Variants in CHRNA7 observed in about 807,000 individuals in gnomAD.
CHRNA7 encodes cholinergic receptor nicotinic alpha 7 subunit, also known as neuronal acetylcholine receptor subunit alpha-7.
Under a neutral mutation model 48.0 loss-of-function variants are expected in CHRNA7, and 17 were observed. That is an observed-to-expected ratio of 0.35 (90% CI 0.24 to 0.53). CHRNA7 has a LOEUF of 0.53. CHRNA7 is among the 20% of genes least tolerant of loss of function. CHRNA7 has a pLI of 0.92. For missense variants in CHRNA7, 155 were observed against 577.7 expected (o/e 0.27, Z 7.50); for synonymous variants, 75 against 242.3 (o/e 0.31, Z 6.41).
intron 9 of CHRNA7, chr15:32,166,239 ATTT>A (rs2052131119): frequency 6.6e-6 from 1 of 152,212 alleles, no homozygotes; most frequent in Non-Finnish European, 1.5e-5. Context: ...GATTATACTC[ATTT>A]CACCGGACCC....
chr15:32,146,326 T>G (rs2051488348), intron 4 of CHRNA7, among the ~76,000 whole-genome samples: 3 of 152,226 alleles, frequency 2.0e-5, no homozygotes, highest in Non-Finnish European at 4.4e-5. Context: ...TCTCACTTAA[T>G]GCTGAAACAT....
intron 2 of CHRNA7, among the ~76,000 whole-genome samples, chr15:32,095,825 G>T (rs142892157): frequency 6.6e-6 from 1 of 152,156 alleles, no homozygotes; most frequent in Admixed American, 6.5e-5. Flanking sequence ...TTCCGTGATC[G>T]TAATCACAGT....
intron 4 of CHRNA7, among the ~76,000 whole-genome samples, chr15:32,125,012 A>G (rs879833862): frequency 1.3e-4 from 20 of 152,218 alleles, no homozygotes; most frequent in Non-Finnish European, 2.6e-4. Flanking sequence ...GACTAAGACA[A>G]CAGCTATCAC....
In CHRNA7 at chr15:32,170,479, G is replaced by A. The variant is rs1441963222; in HGVS notation, c.*2021G>A. ...CTTTAGAAACAAGTAGAAGTGTTTT[G>A]ATATATAAAAGGAATGCTTCATTTC... On this transcript the variant is annotated 3_prime_UTR_variant, in exon 10 of 10. Coordinates refer to ENST00000306901, the MANE Select transcript of CHRNA7 (RefSeq NM_000746.6). The A allele has an allele frequency of 6.8e-6, 1 of 147,512 alleles. No individual in the cohort carries two copies. The highest frequency in any genetic ancestry group is 2.6e-5 in the African/African-American group (1 of 39,130). 9.1% of individuals were successfully genotyped at this position (147,512 alleles called of 1,614,324 possible).
At chr15:32,038,397 T>C (rs1052243675) in intron 2 of CHRNA7, among the ~76,000 whole-genome samples, 1 of 137,284 alleles carries the variant, frequency 7.3e-6, no homozygotes, top group Non-Finnish European at 1.5e-5. Flanking sequence ...TATAATCATA[T>C]GATTTTTCTT....
chr15:32,129,685 AT>A (rs941766218), intron 4 of CHRNA7, among the ~76,000 whole-genome samples: 69 of 150,042 alleles, frequency 4.6e-4, no homozygotes, highest in Admixed American at 9.3e-4. Flanking sequence ...CATTTCATTG[AT>A]TTTTTTTTCT....
At chr15:32,105,634 T>G (rs1249696527) in intron 3 of CHRNA7, among the ~76,000 whole-genome samples, 3 of 152,114 alleles carry the variant, frequency 2.0e-5, no homozygotes, top group African/African-American at 7.2e-5. Context: ...AATCTCTGCT[T>G]TAAAGAAATG....
chr15:32,120,085 A>T (rs546448652), intron 4 of CHRNA7, among the ~76,000 whole-genome samples: 2 of 152,264 alleles, frequency 1.3e-5, no homozygotes, highest in African/African-American at 2.4e-5. Flanking sequence ...TTGTGGCTTT[A>T]TGCCTTCTTT....
chr15:32,124,725 G>A (rs1195940356), intron 4 of CHRNA7, among the ~76,000 whole-genome samples: 1 of 152,196 alleles, frequency 6.6e-6, no homozygotes, highest in Non-Finnish European at 1.5e-5. Flanking sequence ...GAATTAGTAT[G>A]TTGAAATCCT....
At chr15:32,098,871 A>AACACACCCACACACAC (rs2050519676) in intron 2 of CHRNA7, 1 of 134,708 alleles carries the variant, frequency 7.4e-6, no homozygotes, top group African/African-American at 2.9e-5. Flanking sequence ...CCCCCCCACC[A>AACACACCCACACACAC]ACACACACAC....
In CHRNA7 at chr15:32,111,903, A is replaced by C; in HGVS notation, c.350+4A>C. The stretch of plus-strand genomic sequence containing the variant: ...CAGACATTCTTCTCTATAACAGGTA[A>C]GCATATTGAACAAAGGAAAAAAATG... On this transcript the variant is annotated splice_donor_region_variant and intron_variant, in intron 4 of 9. Coordinates refer to ENST00000306901, the MANE Select transcript of CHRNA7 (RefSeq NM_000746.6). 6.5e-7 allele frequency: 1 copy of C among 1,539,496 alleles called. No homozygotes were observed. Among genetic ancestry groups the C allele is most frequent in the Non-Finnish European group, 9.0e-7 (1 of 1,112,080 alleles).
intron 3 of CHRNA7, among the ~76,000 whole-genome samples, chr15:32,106,057 C>T (rs1474632908): frequency 6.6e-6 from 1 of 152,178 alleles, no homozygotes; most frequent in African/African-American, 2.4e-5. Flanking sequence ...GCCCAGAGGC[C>T]ACTTCTAAGC....
chr15:32,133,366 C>T (rs557054846), intron 4 of CHRNA7, among the ~76,000 whole-genome samples: 115 of 152,322 alleles, frequency 7.5e-4, no homozygotes, highest in African/African-American at 2.6e-3. Context: ...AAGGAATGCC[C>T]AGGCTACAAG....
At position 32,030,566 on chromosome 15, in the gene CHRNA7, G is replaced by A. The variant is rs939229019; in HGVS notation, c.-29G>A. ...GGGCGACAGCCGAGACGTGGAGCGC[G>A]CCGGCTCGCTGCAGCTCCGGGACTC... is the stretch of plus-strand genomic sequence containing the variant. On this transcript the variant is annotated 5_prime_UTR_variant, in exon 1 of 10. Coordinates refer to ENST00000306901, the MANE Select transcript of CHRNA7 (RefSeq NM_000746.6). The A allele has an allele frequency of 6.8e-6, 10 of 1,468,100 alleles. No homozygotes were observed. The highest frequency in any genetic ancestry group is 2.3e-4 in the Middle Eastern group (1 of 4,310). 90.9% of individuals were successfully genotyped at this position (1,468,100 alleles called of 1,614,324 possible).
rs111865782 is a variant in CHRNA7, at chr15:32,058,207, A to G, written c.195+27170A>G. ...TCCTTGCCTCCTTTCCCTCTGAAAC[A>G]TGCAGGGTTGTTCGGACCCTCCATC... On this transcript the variant is annotated intron_variant, in intron 2 of 9. Transcript: ENST00000306901. Among the ~76,000 whole-genome samples, 964 of 152,312 alleles carry G rather than the reference A, an allele frequency of 6.3e-3. 7 individuals carry two copies. Among genetic ancestry groups the G allele is most frequent in the African/African-American group, 0.022 (915 of 41,552 alleles).
At chr15:32,085,920 T>C (rs1254177212) in intron 2 of CHRNA7, among the ~76,000 whole-genome samples, 1 of 152,242 alleles carries the variant, frequency 6.6e-6, no homozygotes, top group Non-Finnish European at 1.5e-5. Context: ...GGCCAGTCGT[T>C]GTTACCCTGT....
chr15:32,132,165 C>T (rs1026333751), intron 4 of CHRNA7, among the ~76,000 whole-genome samples: 6 of 152,094 alleles, frequency 3.9e-5, no homozygotes, highest in Admixed American at 6.5e-5. Context: ...CCTGGGGCAG[C>T]GCTCTTGGCT....
chr15:32,049,481 T>G (rs2049623398), intron 2 of CHRNA7, among the ~76,000 whole-genome samples: 1 of 152,204 alleles, frequency 6.6e-6, no homozygotes, highest in African/African-American at 2.4e-5. Flanking sequence ...CTGCCCTTTT[T>G]TGTTTTCCAT....
At chr15:32,140,698 T>G (rs568299350) in intron 4 of CHRNA7, among the ~76,000 whole-genome samples, 1 of 152,360 alleles carries the variant, frequency 6.6e-6, no homozygotes, top group East Asian at 1.9e-4. Context: ...TTTTTTCATG[T>G]GTCTGTTGTC....
Sources: allele counts gnomAD v4.1 joint callset (sites outside exome capture counted in the v4.1 genomes callset), GRCh38; gene constraint gnomAD v4.1.1; transcripts MANE v1.5; gene names NCBI Gene and HGNC (gene_info 2026-07-23, HGNC 2026-07-21).